UBN2: variants seen among roughly 807,000 people sequenced by gnomAD.
UBN2 encodes the protein ubinuclein 2.
UBN2 carries 35 observed loss-of-function variants against 120.2 expected under a neutral mutation model. The ratio of observed to expected loss-of-function variants is 0.29; its 90% CI spans 0.22 to 0.39. The LOEUF is 0.39. UBN2 is among the 10% of genes least tolerant of loss of function. The pLI, the probability that UBN2 is intolerant of heterozygous loss-of-function variation, is 1.00. For synonymous variants in UBN2, 661 were observed against 648.7 expected, an observed-to-expected ratio of 1.02 and a Z score of -0.29; for missense variants, 1,693 against 1,663.2, an observed-to-expected ratio of 1.02 and a Z score of -0.31.
At chr7:139,324,758 G>T in the UBN2 span, among the ~76,000 whole-genome samples, 1 of 151,962 alleles carries the variant, frequency 6.6e-6, no homozygotes, top group Non-Finnish European at 1.5e-5. Flanking sequence ...ATCTCCTCAG[G>T]TCAGAAGTTC....
intron 3 of UBN2, among the ~76,000 whole-genome samples, chr7:139,255,758 C>G (rs974791673): frequency 6.6e-6 from 1 of 152,016 alleles, no homozygotes; most frequent in African/African-American, 2.4e-5. Flanking sequence ...TATTCTGAAT[C>G]ATGCACGAAT....
At chr7:139,256,163 C>T (rs997360157) in intron 3 of UBN2, among the ~76,000 whole-genome samples, 1 of 152,050 alleles carries the variant, frequency 6.6e-6, no homozygotes, top group Non-Finnish European at 1.5e-5. Flanking sequence ...ATAGGAAAAG[C>T]TCAGCAGAAT....
chr7:139,240,394 TGA>T (rs1394992364), intron 2 of UBN2, among the ~76,000 whole-genome samples: 8 of 148,858 alleles, frequency 5.4e-5, no homozygotes, highest in Admixed American at 4.0e-4. Flanking sequence ...CCCAAAGTGC[TGA>T]GTTTACAGAT....
At position 139,305,415 on chromosome 7, in the gene UBN2, A is replaced by C. The variant is rs1171885835; in HGVS notation, c.*7579A>C. The C allele has an allele frequency of 6.6e-6, 1 of 152,230 alleles. No individual in the cohort carries two copies. Among genetic ancestry groups the C allele is most frequent in the Non-Finnish European group, 1.5e-5 (1 of 68,052 alleles). 9.4% of individuals were successfully genotyped at this position (152,230 alleles called of 1,614,324 possible). On this transcript the variant is annotated 3_prime_UTR_variant, in exon 18 of 18. Transcript: ENST00000473989. The stretch of plus-strand genomic sequence containing the variant: ...GCAGGCCTGCTTTAGAAGACTTTAC[A>C]TCCCAGCAGAGGATTCAGGCAGGGA...
At chr7:139,255,862 G>A (rs1436802671) in intron 3 of UBN2, among the ~76,000 whole-genome samples, 1 of 152,102 alleles carries the variant, frequency 6.6e-6, no homozygotes, top group East Asian at 1.9e-4. Flanking sequence ...GAAAGAAAAT[G>A]TTTTGTTTAT....
chr7:139,328,134 A>G, the UBN2 span, among the ~76,000 whole-genome samples: 3 of 152,248 alleles, frequency 2.0e-5, no homozygotes, highest in Non-Finnish European at 4.4e-5. Context: ...TCACACTGCT[A>G]TAAAGAACTA....
chr7:139,236,317 T>C (rs1203966582), intron 1 of UBN2, among the ~76,000 whole-genome samples: 5 of 152,218 alleles, frequency 3.3e-5, no homozygotes, highest in Non-Finnish European at 7.3e-5. Flanking sequence ...CTAGCTTTGT[T>C]TAAAAGTAAT....
chr7:139,297,766 T>C, intron 17 of UBN2, 21 bp from the exon 18 acceptor site: 1 of 1,613,876 alleles, frequency 6.2e-7, no homozygotes, highest in South Asian at 1.1e-5. Context: ...CCCATACCAA[T>C]TTAACGTCTC....
rs1798200437 is a variant in UBN2 at position 139,299,350 on chromosome 7, A to G, written c.*1514A>G. ...AAGATTTATTGCATATGTGTTTATT[A>G]TACATTACCCTATACCATTAGATTT... On this transcript the variant is annotated 3_prime_UTR_variant, in exon 18 of 18. Transcript: ENST00000473989. 1.3e-5 allele frequency: 2 copies of G among 152,184 alleles called. No homozygotes were observed. Among genetic ancestry groups the G allele is most frequent in the African/African-American group, 4.8e-5 (2 of 41,456 alleles). The allele number at this position is 152,184 out of a possible 1,614,324, so 9.4% of individuals were successfully genotyped here. A position where few individuals can be genotyped will look rare whatever the true frequency, so the allele number is the denominator to read the frequency against.
the UBN2 span, among the ~76,000 whole-genome samples, chr7:139,320,851 G>A: frequency 6.4e-5 from 9 of 141,192 alleles, no homozygotes; most frequent in South Asian, 2.3e-4. Flanking sequence ...GTGAGACTCC[G>A]TCTCAAAAAA....
chr7:139,291,717 G>T (rs777447790), intron 15 of UBN2, among the ~76,000 whole-genome samples: 17 of 151,990 alleles, frequency 1.1e-4, no homozygotes, highest in Non-Finnish European at 2.1e-4. Context: ...GGGTCTGGTG[G>T]CACACGCCTG....
At chr7:139,312,455 C>T (rs1798461117), downstream of UBN2, among the ~76,000 whole-genome samples, 1 of 152,174 alleles carries the variant, frequency 6.6e-6, no homozygotes, top group African/African-American at 2.4e-5. Context: ...ACTAGGTTAT[C>T]TTCAATTCCT....
intron 2 of UBN2, among the ~76,000 whole-genome samples, chr7:139,250,313 A>G (rs1010695265): frequency 2.0e-5 from 3 of 152,052 alleles, no homozygotes; most frequent in African/African-American, 7.2e-5. Context: ...GCTCACTGCA[A>G]CGTCCGCCTC....
At chr7:139,287,980 A>C (rs1033998347) in intron 15 of UBN2, among the ~76,000 whole-genome samples, 2 of 152,224 alleles carry the variant, frequency 1.3e-5, no homozygotes, top group Non-Finnish European at 2.9e-5. Flanking sequence ...TTCTGGGTTC[A>C]GGTTGTTAGC....
chr7:139,262,449 G>A (rs1306714219), intron 6 of UBN2, among the ~76,000 whole-genome samples: 3 of 152,154 alleles, frequency 2.0e-5, no homozygotes, highest in African/African-American at 4.8e-5. Flanking sequence ...GGTGGCACAT[G>A]CATGTAATCC....
the UBN2 span, among the ~76,000 whole-genome samples, chr7:139,326,664 T>C: frequency 6.6e-6 from 1 of 152,260 alleles, no homozygotes; most frequent in Non-Finnish European, 1.5e-5. Context: ...CCAGGCTTCC[T>C]TGAAGCCAAG....
At chr7:139,248,753 C>T (rs1796540319) in intron 2 of UBN2, among the ~76,000 whole-genome samples, 1 of 152,016 alleles carries the variant, frequency 6.6e-6, no homozygotes, top group Admixed American at 6.6e-5. Flanking sequence ...CTCTCTCTCT[C>T]AGTTTAGGGT....
chr7:139,316,943 T>C, the UBN2 span, among the ~76,000 whole-genome samples: 4 of 151,866 alleles, frequency 2.6e-5, no homozygotes, highest in Non-Finnish European at 4.4e-5. Context: ...ATTTCTTTTT[T>C]TTTTCTTGAA....
chr7:139,329,723 TGTACAGGTATTCAAAATGA>T, the UBN2 span, among the ~76,000 whole-genome samples: 1 of 151,924 alleles, frequency 6.6e-6, no homozygotes, highest in Non-Finnish European at 1.5e-5. Flanking sequence ...TGTTTCTGCT[TGTACAGGTATTCAAAATGA>T]GGGCCAAACC....
Sources: gnomAD v4.1 joint callset for allele counts (sites outside exome capture counted in the v4.1 genomes callset) on GRCh38, gnomAD v4.1.1 for gene constraint, MANE v1.5 for transcripts, NCBI Gene and HGNC (gene_info 2026-07-23, HGNC 2026-07-21) for gene names.